DRGX: variants seen among roughly 807,000 people sequenced by gnomAD.
DRGX encodes dorsal root ganglia homeobox protein.
Under a neutral mutation model 28.6 loss-of-function variants are expected in DRGX, and 21 were observed. The ratio of observed to expected loss-of-function variants is 0.73; its 90% CI spans 0.52 to 1.06. DRGX has a LOEUF of 1.06. Ranked by LOEUF, DRGX falls within the 50% of genes least tolerant of loss-of-function variation. The pLI is 0.00. For missense variants in DRGX, 354 were observed against 343.9 expected (o/e 1.03, Z -0.23); for synonymous variants, 136 against 139.1 (o/e 0.98, Z 0.16).
chr10:49,368,583 T>C (rs1590360085), intron 6 of DRGX, among the ~76,000 whole-genome samples: 1 of 152,250 alleles, frequency 6.6e-6, no homozygotes, highest in East Asian at 1.9e-4. Flanking sequence ...ATGCCTGCTA[T>C]GAGCCTCAGT....
intron 6 of DRGX, among the ~76,000 whole-genome samples, chr10:49,382,894 C>T (rs1446230203): frequency 1.3e-5 from 2 of 152,232 alleles, no homozygotes; most frequent in Non-Finnish European, 2.9e-5. Flanking sequence ...CAGACTGCCA[C>T]ACTGTGTGTG....
chr10:49,373,920 A>G (rs1849690731), intron 6 of DRGX, among the ~76,000 whole-genome samples: 1 of 152,196 alleles, frequency 6.6e-6, no homozygotes, highest in Non-Finnish European at 1.5e-5. Flanking sequence ...AAATAGAAAA[A>G]TGTATAAATT....
In DRGX at chr10:49,366,093, G is replaced by A; in HGVS notation, c.*23C>T. On this transcript the variant is annotated 3_prime_UTR_variant, in exon 7 of 7. Coordinates refer to ENST00000374139, the MANE Select transcript of DRGX (RefSeq NM_001276451.2). ...GAGAAGGAGGGGCGGGGGAGGGCAGGCCGGGCGGGGCACTGTGGACCCTCA... is the reference window on the plus strand; with the variant it reads ...GAGAAGGAGGGGCGGGGGAGGGCAGACCGGGCGGGGCACTGTGGACCCTCA... 1.3e-6 allele frequency: 2 copies of A among 1,520,432 alleles called. No individual in the cohort carries two copies. The highest frequency in any genetic ancestry group is 1.8e-6 in the Non-Finnish European group (2 of 1,130,920). The allele number at this position is 1,520,432 out of a possible 1,614,324, so 94.2% of individuals were successfully genotyped here.
In DRGX at chr10:49,366,021, G is replaced by A. The variant is rs2132466326; in HGVS notation, c.*95C>T. Reference sequence around the variant, plus strand: ...TCCATGCAGAGGCCCTGGGGCCGCAGGCTTCTCCTTGCTATTTGGAGAGTT... The same window carrying A: ...TCCATGCAGAGGCCCTGGGGCCGCAAGCTTCTCCTTGCTATTTGGAGAGTT... On this transcript the variant is annotated 3_prime_UTR_variant, in exon 7 of 7. Transcript: ENST00000374139. 2.8e-6 allele frequency: 4 copies of A among 1,424,428 alleles called. No individual in the cohort carries two copies. In the South Asian group the frequency reaches 4.5e-5, roughly 16 times the overall value. 88.2% of individuals were successfully genotyped at this position (1,424,428 alleles called of 1,614,324 possible). A position where few individuals can be genotyped will look rare whatever the true frequency, so the allele number is the denominator to read the frequency against.
chr10:49,368,462 C>T (rs1378367799), intron 6 of DRGX, among the ~76,000 whole-genome samples: 1 of 152,256 alleles, frequency 6.6e-6, no homozygotes, highest in African/African-American at 2.4e-5. Context: ...TGGTCAAACC[C>T]CGAGGCCTGG....
At position 49,366,033 on chromosome 10, in the gene DRGX, C is replaced by A. The variant is rs924021270; in HGVS notation, c.*83G>T. The A allele has an allele frequency of 2.1e-6, 3 of 1,448,426 alleles. No individual in the cohort carries two copies. Among genetic ancestry groups the A allele is most frequent in the East Asian group, 2.4e-5 (1 of 41,614 alleles). 89.7% of individuals were successfully genotyped at this position (1,448,426 alleles called of 1,614,324 possible). A position where few individuals can be genotyped will look rare whatever the true frequency, so the allele number is the denominator to read the frequency against. ...CCCTGGGGCCGCAGGCTTCTCCTTG[C>A]TATTTGGAGAGTTTTCTGTAGGGGC... On this transcript the variant is annotated 3_prime_UTR_variant, in exon 7 of 7. Coordinates refer to ENST00000374139, the MANE Select transcript of DRGX (RefSeq NM_001276451.2).
intron 6 of DRGX, among the ~76,000 whole-genome samples, chr10:49,375,192 T>C (rs546023832): frequency 6.6e-6 from 1 of 152,356 alleles, no homozygotes; most frequent in African/African-American, 2.4e-5. Context: ...CCTCTTGTTT[T>C]ATGGTTTATT....
At chr10:49,384,644 G>A (rs1209208849) in intron 6 of DRGX, among the ~76,000 whole-genome samples, 1 of 152,208 alleles carries the variant, frequency 6.6e-6, no homozygotes, top group Non-Finnish European at 1.5e-5. Flanking sequence ...ACTCAGGCCA[G>A]TTGGTCCAGT....
At chr10:49,372,818 T>C (rs57714950) in intron 6 of DRGX, among the ~76,000 whole-genome samples, 6,244 of 152,312 alleles carry the variant, frequency 0.041, 365 homozygotes, top group African/African-American at 0.13. Context: ...CACAGCTGTA[T>C]TTTTTCCTCA....
chr10:49,371,473 G>A (rs887406590), intron 6 of DRGX, among the ~76,000 whole-genome samples: 12 of 151,840 alleles, frequency 7.9e-5, no homozygotes, highest in African/African-American at 2.4e-4. Context: ...TGGCAACATG[G>A]CAAAACCCTG....
intron 2 of DRGX, 149 bp from the exon 3 acceptor site, chr10:49,391,410 C>A (rs894319190): frequency 1.2e-5 from 8 of 659,920 alleles, no homozygotes; most frequent in African/African-American, 5.4e-5. Context: ...CCTATTAAAT[C>A]CTCCTCTTTT....
rs371463020 is a variant in DRGX, at chr10:49,386,713, C to T, written c.380G>A (p.Arg127Gln). ...INSPPPGDQA[R>Q]SKKEALEAQQ... The stretch of plus-strand genomic sequence containing the variant: ...GGCCTCCAGCGCCTCCTTCTTACTC[C>T]GGGCTTGGTCCCCAGGGGGCGGGGA... The change falls in exon 5 of 7, where the codon CGG becomes CAG. Residue 127 changes from arginine (R) to glutamine (Q), a missense_variant. Physicochemically the swap from Arg to Gln is conservative, Grantham distance 43 (BLOSUM62 1). Transcript: ENST00000374139. 29 of 1,592,316 alleles carry T rather than the reference C, an allele frequency of 1.8e-5. No individual in the cohort carries two copies. Among genetic ancestry groups the T allele is most frequent in the East Asian group, 4.5e-5 (2 of 44,656 alleles).
At chr10:49,391,056 T>C in intron 3 of DRGX, 108 bp downstream of exon 3, 1 of 1,210,330 alleles carries the variant, frequency 8.3e-7, no homozygotes, top group South Asian at 1.4e-5. Flanking sequence ...AAGATTCAGT[T>C]AGCATAATCA....
chr10:49,380,093 G>T (rs1439505492), intron 6 of DRGX, among the ~76,000 whole-genome samples: 2 of 152,228 alleles, frequency 1.3e-5, no homozygotes, highest in Non-Finnish European at 2.9e-5. Context: ...TGCCCAGAAG[G>T]CTTACCCCTC....
chr10:49,372,612 T>C (rs760919510), intron 6 of DRGX, among the ~76,000 whole-genome samples: 8 of 152,212 alleles, frequency 5.3e-5, no homozygotes, highest in Non-Finnish European at 8.8e-5. Flanking sequence ...CAATTTCTGG[T>C]TCAATTCCAT....
chr10:49,393,218 A>T (rs959771804), intron 2 of DRGX, among the ~76,000 whole-genome samples: 11 of 152,268 alleles, frequency 7.2e-5, no homozygotes, highest in Admixed American at 6.5e-4. Context: ...AAATCAGTAG[A>T]TCTATATGCA....
chr10:49,368,001 C>T (rs768597135), intron 6 of DRGX, among the ~76,000 whole-genome samples: 1 of 152,322 alleles, frequency 6.6e-6, no homozygotes, highest in Non-Finnish European at 1.5e-5. Context: ...CCCCACCTCC[C>T]TTCCCAAGAC....
At chr10:49,391,826 T>G (rs982940765) in intron 2 of DRGX, 6 of 522,556 alleles carry the variant, frequency 1.1e-5, no homozygotes, top group Admixed American at 6.0e-5. Context: ...TATAAATGAA[T>G]ATTAATTACC....
chr10:49,382,982 C>T (rs1312851312), intron 6 of DRGX, among the ~76,000 whole-genome samples: 1 of 152,162 alleles, frequency 6.6e-6, no homozygotes, highest in Non-Finnish European at 1.5e-5. Flanking sequence ...ATGCCGCAAG[C>T]ACACACCTCC....
Sources: gnomAD v4.1 joint callset for allele counts (sites outside exome capture counted in the v4.1 genomes callset) on GRCh38, gnomAD v4.1.1 for gene constraint, MANE v1.5 for transcripts, NCBI Gene and HGNC (gene_info 2026-07-23, HGNC 2026-07-21) for gene names.